The following WWTR1 variants were observed in gnomAD, a reference collection of about 807,000 sequenced individuals.
WWTR1 encodes the protein WW domain-containing transcription regulator protein 1.
Under a neutral mutation model 40.1 loss-of-function variants are expected in WWTR1, and 13 were observed. That is an observed-to-expected ratio of 0.32 (90% CI 0.21 to 0.52). WWTR1 has a LOEUF of 0.52. Ranked by LOEUF, WWTR1 falls within the 20% of genes least tolerant of loss-of-function variation. WWTR1 has a pLI of 0.97. For missense variants in WWTR1, 436 were observed against 523.1 expected (o/e 0.83, Z 1.63); for synonymous variants, 230 against 210.1 (o/e 1.09, Z -0.82).
upstream of WWTR1, chr3:149,660,961 C>G (rs951595522): frequency 5.3e-5 from 8 of 152,158 alleles, no homozygotes; most frequent in Non-Finnish European, 2.9e-5. Context: ...TTATTTATAC[C>G]TTTACGTAGC....
upstream of WWTR1, among the ~76,000 whole-genome samples, chr3:149,658,886 G>A (rs1713427956): frequency 6.6e-6 from 1 of 152,188 alleles, no homozygotes; most frequent in South Asian, 2.1e-4. Context: ...TGTCCCTGCC[G>A]CCCTCCGGGG....
At chr3:149,657,383 G>A (rs1713309575) in intron 1 of WWTR1, 74 bp from the exon 2 acceptor site, 1 of 1,458,608 alleles carries the variant, frequency 6.9e-7, no homozygotes, top group South Asian at 1.4e-5. Context: ...AGGGTGAGAG[G>A]GCGAGATGGT....
rs542638918 is a variant in WWTR1, at chr3:149,601,581, C to T, written c.432-28581G>A. On this transcript the variant is annotated intron_variant, in intron 2 of 6. Coordinates refer to ENST00000360632, the MANE Select transcript of WWTR1 (RefSeq NM_015472.6). ...TTTTCTTGAAACTACAAGGTCAATC[C>T]CCTTGGGAACTTCCTAATACTTCTC... 7.2e-5 allele frequency among the ~76,000 whole-genome samples: 11 copies of T among 152,248 alleles called. No homozygotes were observed. In the South Asian group the frequency reaches 2.3e-3, roughly 32 times the overall value.
chr3:149,711,122 G>A (rs1180117476), intron 5 of WWTR1, among the ~76,000 whole-genome samples: 2 of 150,030 alleles, frequency 1.3e-5, no homozygotes, highest in Non-Finnish European at 3.0e-5. Context: ...ATGGGAAGGG[G>A]TGAAGAGGAG....
intron 1 of WWTR1, among the ~76,000 whole-genome samples, chr3:149,691,214 G>A (rs1369805312): frequency 6.6e-6 from 1 of 151,776 alleles, no homozygotes; most frequent in Admixed American, 6.6e-5. Context: ...CATCAAGAAA[G>A]AGGAAAAACT....
chr3:149,558,567 A>C (rs1238677446), intron 3 of WWTR1, among the ~76,000 whole-genome samples: 2 of 152,192 alleles, frequency 1.3e-5, no homozygotes, highest in African/African-American at 4.8e-5. Context: ...CACTACCTTC[A>C]TCAAGTGATC....
At chr3:149,683,458 T>C (rs1260635997) in intron 1 of WWTR1, among the ~76,000 whole-genome samples, 3 of 151,698 alleles carry the variant, frequency 2.0e-5, no homozygotes, top group African/African-American at 4.8e-5. Flanking sequence ...CTTTGGGAGG[T>C]CAAAGCGGAT....
In WWTR1 at chr3:149,517,380, TA is replaced by T. The variant is rs1178331189; in HGVS notation, c.*3424del. 2 of 152,248 alleles carry T rather than the reference TA, an allele frequency of 1.3e-5. No homozygotes were observed. Among genetic ancestry groups the T allele is most frequent in the Non-Finnish European group, 2.9e-5 (2 of 68,040 alleles). The allele number at this position is 152,248 out of a possible 1,614,324, so 9.4% of individuals were successfully genotyped here. The stretch of plus-strand genomic sequence containing the variant: ...ATTCTAAACTTAAAATAGAAATTTT[TA>T]TATTACAAAACGTAGAAGTAAAATT... On this transcript the variant is annotated 3_prime_UTR_variant, in exon 7 of 7. Transcript: ENST00000360632.
At chr3:149,613,245 T>A (rs1439924026) in intron 2 of WWTR1, among the ~76,000 whole-genome samples, 1 of 152,114 alleles carries the variant, frequency 6.6e-6, no homozygotes, top group Non-Finnish European at 1.5e-5. Context: ...CCAGACAGAA[T>A]CATATATGAA....
At chr3:149,596,858 G>A (rs1739023855) in intron 2 of WWTR1, among the ~76,000 whole-genome samples, 1 of 152,204 alleles carries the variant, frequency 6.6e-6, no homozygotes, top group Non-Finnish European at 1.5e-5. Flanking sequence ...TGTTCCAATA[G>A]TAGCTCCTAC....
chr3:149,561,923 C>G (rs1287813951), intron 3 of WWTR1, among the ~76,000 whole-genome samples: 1 of 152,134 alleles, frequency 6.6e-6, no homozygotes, highest in Non-Finnish European at 1.5e-5. Flanking sequence ...CATAAATACC[C>G]TTTGGAACTA....
At chr3:149,625,934 A>G (rs1274500031) in intron 2 of WWTR1, among the ~76,000 whole-genome samples, 1 of 152,188 alleles carries the variant, frequency 6.6e-6, no homozygotes, top group Non-Finnish European at 1.5e-5. Flanking sequence ...CCCTGAGTTT[A>G]CCATTTAAGT....
chr3:149,676,176 G>C (rs1186504783), intron 1 of WWTR1, among the ~76,000 whole-genome samples: 1 of 152,084 alleles, frequency 6.6e-6, no homozygotes, highest in African/African-American at 2.4e-5. Context: ...AAAAAGGAGA[G>C]AGATGTCCTT....
At chr3:149,540,437 G>A (rs1008178561) in intron 4 of WWTR1, among the ~76,000 whole-genome samples, 5 of 151,954 alleles carry the variant, frequency 3.3e-5, no homozygotes, top group South Asian at 2.1e-4. Context: ...AAACACACCC[G>A]CAAAAACAGA....
At chr3:149,624,066 C>T (rs1740438075) in intron 2 of WWTR1, among the ~76,000 whole-genome samples, 1 of 152,204 alleles carries the variant, frequency 6.6e-6, no homozygotes, top group Admixed American at 6.5e-5. Flanking sequence ...CCCACCACTA[C>T]CATGACCACT....
chr3:149,622,152 G>T (rs1161735753), intron 2 of WWTR1, among the ~76,000 whole-genome samples: 1 of 152,008 alleles, frequency 6.6e-6, no homozygotes, highest in African/African-American at 2.4e-5. Flanking sequence ...TCAGCAAGAG[G>T]CTTGTTTTAA....
At chr3:149,565,627 T>C (rs1296197564) in intron 3 of WWTR1, among the ~76,000 whole-genome samples, 2 of 152,176 alleles carry the variant, frequency 1.3e-5, no homozygotes, top group East Asian at 1.9e-4. Context: ...ATAAAGAATG[T>C]CCTTTTCAGG....
rs1735002922 is a variant in WWTR1, at chr3:149,520,775, A to T, written c.*30T>A. The T allele has an allele frequency of 6.5e-7, 1 of 1,529,356 alleles. No individual in the cohort carries two copies. The highest frequency in any genetic ancestry group is 8.8e-7 in the Non-Finnish European group (1 of 1,141,328). 94.7% of individuals were successfully genotyped at this position (1,529,356 alleles called of 1,614,324 possible). A position where few individuals can be genotyped will look rare whatever the true frequency, so the allele number is the denominator to read the frequency against. ...CAAGAGGCCCAGGAAATGTAAGGTC[A>T]TGGCTACATCCAAGTTACAATGGTA... On this transcript the variant is annotated 3_prime_UTR_variant, in exon 7 of 7. Coordinates refer to ENST00000360632, the MANE Select transcript of WWTR1 (RefSeq NM_015472.6).
chr3:149,617,947 T>C (rs1740069409), intron 2 of WWTR1, among the ~76,000 whole-genome samples: 1 of 152,212 alleles, frequency 6.6e-6, no homozygotes, highest in South Asian at 2.1e-4. Flanking sequence ...ACAACGTTAT[T>C]ATAGTACATG....
Sources: allele counts gnomAD v4.1 joint callset (sites outside exome capture counted in the v4.1 genomes callset), GRCh38; gene constraint gnomAD v4.1.1; transcripts MANE v1.5; gene names NCBI Gene and HGNC (gene_info 2026-07-23, HGNC 2026-07-21).